Variants in ALDH1A3 observed in about 807,000 individuals in gnomAD.
ALDH1A3 encodes the protein retinaldehyde dehydrogenase 3.
In ALDH1A3, 28 loss-of-function variants were observed where a neutral mutation model predicts 57.5. The observed-to-expected ratio is 0.49, with a 90% CI of 0.36 to 0.67. The LOEUF is 0.67. Among genes scored for constraint, ALDH1A3 ranks in the 30% least tolerant of loss-of-function variants. The pLI is 0.00. For synonymous variants in ALDH1A3, 281 were observed against 264.8 expected (o/e 1.06, Z -0.59); for missense variants, 507 against 669.4 (o/e 0.76, Z 2.68).
chr15:100,881,790 C>T (rs879529613), intron 1 of ALDH1A3, among the ~76,000 whole-genome samples: 3 of 152,172 alleles, frequency 2.0e-5, no homozygotes, highest in Non-Finnish European at 2.9e-5. Context: ...TGCCTGACAC[C>T]GGCTGCTGGC....
In ALDH1A3 at chr15:100,893,901, G is replaced by T. The variant is rs372340893; in HGVS notation, c.538-53G>T. 2.5e-6 allele frequency: 4 copies of T among 1,587,480 alleles called. No individual in the cohort carries two copies. The highest frequency in any genetic ancestry group is 2.2e-5 in the East Asian group (1 of 44,642). Reference sequence around the variant, plus strand: ...CACAAAGGCATCGTTGAGCACATGGGACAGGGTAAGAGGGTGGATCTGGGC... The same window carrying T: ...CACAAAGGCATCGTTGAGCACATGGTACAGGGTAAGAGGGTGGATCTGGGC... On this transcript the variant is annotated intron_variant, in intron 5 of 12. Transcript: ENST00000329841. This position sits in a 1 kb window ranked among gnomAD's most constrained non-coding sequence, Gnocchi z 4.8.
rs2041929551 is a variant in ALDH1A3, at chr15:100,916,333, G to A, written c.*1560G>A. The A allele has an allele frequency of 6.6e-6, 1 of 152,304 alleles. No individual in the cohort carries two copies. Among genetic ancestry groups the A allele is most frequent in the Non-Finnish European group, 1.5e-5 (1 of 68,030 alleles). 9.4% of individuals were successfully genotyped at this position (152,304 alleles called of 1,614,324 possible). ...TAACCTTGATAGTGATACGTTAGAG[G>A]GTTCCTATTCTTCCATTGTACGATA... On this transcript the variant is annotated 3_prime_UTR_variant, in exon 13 of 13. Coordinates refer to ENST00000329841, the MANE Select transcript of ALDH1A3 (RefSeq NM_000693.4).
At chr15:100,884,072 A>G (rs2041571269) in intron 1 of ALDH1A3, among the ~76,000 whole-genome samples, 1 of 152,240 alleles carries the variant, frequency 6.6e-6, no homozygotes, top group South Asian at 2.1e-4. Context: ...CTTGAGAGAC[A>G]TGCGTGTCAG....
chr15:100,900,558 C>T lies in ALDH1A3; in HGVS notation c.884-17C>T, dbSNP rs377304537. Reference sequence around the variant, plus strand: ...TTCCTCTCGCTCTGCCCGCCTCCCTCGCCCCTCCCCCTCCAGTGGACTTGG... The same window carrying T: ...TTCCTCTCGCTCTGCCCGCCTCCCTTGCCCCTCCCCCTCCAGTGGACTTGG... On this transcript the variant is annotated splice_polypyrimidine_tract_variant and intron_variant, in intron 8 of 12. Coordinates refer to ENST00000329841, the MANE Select transcript of ALDH1A3 (RefSeq NM_000693.4). 16 of 1,563,956 alleles carry T rather than the reference C, an allele frequency of 1.0e-5. No individual in the cohort carries two copies. Among genetic ancestry groups the T allele is most frequent in the African/African-American group, 5.4e-5 (4 of 73,796 alleles).
intron 2 of ALDH1A3, among the ~76,000 whole-genome samples, chr15:100,886,625 G>A (rs2041597206): frequency 6.6e-6 from 1 of 152,156 alleles, no homozygotes; most frequent in Admixed American, 6.5e-5. Context: ...TACCTTCCTA[G>A]AAAGAGAGAG....
At chr15:100,913,731 G>A (rs1360549347) in intron 12 of ALDH1A3, 1 of 152,238 alleles carries the variant, frequency 6.6e-6, no homozygotes, top group Non-Finnish European at 1.5e-5. Flanking sequence ...GCTGGGGGAG[G>A]CCTGAGAATC....
At chr15:100,909,663 A>G (rs1187982688) in intron 12 of ALDH1A3, among the ~76,000 whole-genome samples, 3 of 152,162 alleles carry the variant, frequency 2.0e-5, no homozygotes, top group African/African-American at 7.2e-5. Context: ...CTGCTGGGAA[A>G]ATGAGTTCCC....
At chr15:100,892,683 CTA>C (rs199883488) in intron 4 of ALDH1A3, 44 bp downstream of exon 4, 2 of 1,569,550 alleles carry the variant, frequency 1.3e-6, no homozygotes, top group South Asian at 1.2e-5. Flanking sequence ...CCCTTTGGGG[CTA>C]TATCTTTTCA....
intron 7 of ALDH1A3, 23 bp downstream of exon 7, chr15:100,896,069 G>T: frequency 6.3e-7 from 1 of 1,575,180 alleles, no homozygotes; most frequent in Non-Finnish European, 8.7e-7. Context: ...ACAGGGTGCT[G>T]GGGAAAGTGA....
chr15:100,901,413 C>T (rs1444917240), intron 9 of ALDH1A3, among the ~76,000 whole-genome samples: 2 of 152,200 alleles, frequency 1.3e-5, no homozygotes, highest in African/African-American at 2.4e-5. Context: ...TGGAGCTCAG[C>T]AGTCACTCAC....
chr15:100,896,494 C>T (rs2041705626), intron 7 of ALDH1A3, among the ~76,000 whole-genome samples: 2 of 151,610 alleles, frequency 1.3e-5, no homozygotes, highest in Non-Finnish European at 2.9e-5. Context: ...TAAGCTTAAA[C>T]TAGTTTGCTG....
At chr15:100,903,046 C>G (rs2141566106) in intron 9 of ALDH1A3, among the ~76,000 whole-genome samples, 1 of 152,332 alleles carries the variant, frequency 6.6e-6, no homozygotes, top group Admixed American at 6.5e-5. Context: ...CTTCCGGGAT[C>G]TGTTGCAAAG....
In ALDH1A3 at chr15:100,895,982, C is replaced by T; in HGVS notation, c.716C>T (p.Thr239Ile). 1.2e-6 allele frequency: 2 copies of T among 1,613,772 alleles called. No homozygotes were observed. The highest frequency in any genetic ancestry group is 1.7e-6 in the Non-Finnish European group (2 of 1,179,858). Residue 239 changes from threonine (T) to isoleucine (I), a missense_variant, in exon 7 of 13, where the codon ACA becomes ATA. By Grantham distance (89) the Thr-to-Ile change is moderately conservative. Coordinates refer to ENST00000329841, the MANE Select transcript of ALDH1A3 (RefSeq NM_000693.4). Reference sequence around the variant, plus strand: ...AACATTGTGCCAGGATTCGGGCCCACAGTGGGAGCAGCAATTTCTTCTCAC... The same window carrying T: ...AACATTGTGCCAGGATTCGGGCCCATAGTGGGAGCAGCAATTTCTTCTCAC... ...VVNIVPGFGP[T>I]VGAAISSHPQ...
chr15:100,901,730 CT>C (rs955377825), intron 9 of ALDH1A3, among the ~76,000 whole-genome samples: 1 of 152,162 alleles, frequency 6.6e-6, no homozygotes, highest in African/African-American at 2.4e-5. Context: ...CAGGAGGAAG[CT>C]TTAAATGACA....
At position 100,887,296 on chromosome 15, in the gene ALDH1A3, A is replaced by G. The variant is rs2041604742; in HGVS notation, c.205-276A>G. On this transcript the variant is annotated intron_variant, in intron 2 of 12. Transcript: ENST00000329841. This position sits in a 1 kb window ranked among gnomAD's most constrained non-coding sequence, Gnocchi z 4.6. ...ACACCCAAACTGCAGTCACCTCAAA[A>G]GATGACACCCAAACTGCAGTCACGT... Among the ~76,000 whole-genome samples the G allele has an allele frequency of 6.6e-6, 1 of 150,872 alleles. No homozygotes were observed. The highest frequency in any genetic ancestry group is 6.6e-5 in the Admixed American group (1 of 15,164).
intron 1 of ALDH1A3, among the ~76,000 whole-genome samples, chr15:100,884,565 G>GTTT (rs58072985): frequency 0.019 from 2,682 of 139,906 alleles, 67 homozygotes; most frequent in East Asian, 0.12. Context: ...GTTTTTCTGG[G>GTTT]TTTTTTTTTT....
intron 9 of ALDH1A3, among the ~76,000 whole-genome samples, chr15:100,904,153 T>C (rs569545716): frequency 3.0e-4 from 45 of 152,346 alleles, no homozygotes; most frequent in Non-Finnish European, 5.7e-4. Flanking sequence ...TGGTATAAAG[T>C]GTGAGGTATG....
chr15:100,914,593 T>C, intron 12 of ALDH1A3, 108 bp from the exon 13 acceptor site: 1 of 1,014,004 alleles, frequency 9.9e-7, no homozygotes, highest in Non-Finnish European at 1.5e-6. Flanking sequence ...TTTAACCTTT[T>C]GCATAAGCCT....
chr15:100,891,540 C>T (rs2041649901), intron 3 of ALDH1A3, among the ~76,000 whole-genome samples: 1 of 152,264 alleles, frequency 6.6e-6, no homozygotes, highest in African/African-American at 2.4e-5. Context: ...GGGCCGTTAG[C>T]GTCCGTGCCT....
Sources: gnomAD v4.1 joint callset for allele counts (sites outside exome capture counted in the v4.1 genomes callset) on GRCh38, gnomAD v4.1.1 for gene constraint, Gnocchi (gnomAD v3.1) non-coding constraint, MANE v1.5 for transcripts, NCBI Gene and HGNC (gene_info 2026-07-23, HGNC 2026-07-21) for gene names.